Variants in CTNNA2 observed in about 807,000 individuals in gnomAD.
CTNNA2 encodes catenin alpha 2.
A neutral mutation model predicts 101.0 loss-of-function variants in CTNNA2; 42 were observed. That is an observed-to-expected ratio of 0.42 (90% confidence interval 0.32 to 0.54). The LOEUF (loss-of-function observed/expected upper bound fraction) is 0.54. CTNNA2 is among the 20% of genes least tolerant of loss of function. The pLI is 0.14. For synonymous variants in CTNNA2, 450 were observed against 456.4 expected, an observed-to-expected ratio of 0.99 and a Z score of 0.18; for missense variants, 871 against 1,223.1, an observed-to-expected ratio of 0.71 and a Z score of 4.29.
At chr2:80,430,476 G>A (rs555375383) in intron 9 of CTNNA2, among the ~76,000 whole-genome samples, 2 of 152,248 alleles carry the variant, frequency 1.3e-5, no homozygotes, top group African/African-American at 4.8e-5. Context: ...ATGAATTCAA[G>A]TTCCCTGGGG....
intron 7 of CTNNA2, among the ~76,000 whole-genome samples, chr2:80,092,554 T>C (rs1699852897): frequency 6.6e-6 from 1 of 152,106 alleles, no homozygotes; most frequent in Non-Finnish European, 1.5e-5. Flanking sequence ...TTCAGTGACA[T>C]GAGAAAAGAA....
chr2:80,497,850 CAAGGAACTGA>C (rs1247081032), intron 9 of CTNNA2, among the ~76,000 whole-genome samples: 4 of 152,052 alleles, frequency 2.6e-5, no homozygotes, highest in Non-Finnish European at 5.9e-5. Context: ...CCTATAACTG[CAAGGAACTGA>C]ATTCTGCCAA....
intron 7 of CTNNA2, among the ~76,000 whole-genome samples, chr2:79,994,135 C>A (rs941855244): frequency 3.3e-5 from 5 of 152,086 alleles, no homozygotes; most frequent in Non-Finnish European, 5.9e-5. Flanking sequence ...TCAGGCTGGT[C>A]TTGAACTCCT....
chr2:80,199,558 G>A (rs1310427776), intron 7 of CTNNA2, among the ~76,000 whole-genome samples: 2 of 152,210 alleles, frequency 1.3e-5, no homozygotes, highest in East Asian at 3.9e-4. Context: ...CTGAGCAGGA[G>A]TAGCACATGG....
chr2:80,557,897 A>G (rs1693184280), intron 12 of CTNNA2, among the ~76,000 whole-genome samples: 1 of 152,168 alleles, frequency 6.6e-6, no homozygotes, highest in Non-Finnish European at 1.5e-5. Flanking sequence ...TGTTGTTGCT[A>G]ATCAAGATTT....
intron 7 of CTNNA2, among the ~76,000 whole-genome samples, chr2:80,201,839 C>T (rs1047180419): frequency 1.3e-4 from 20 of 152,126 alleles, no homozygotes; most frequent in Admixed American, 1.2e-3. Flanking sequence ...TTCTAATTGC[C>T]CAATTTTCTT....
At chr2:80,221,817 A>G (rs1424047815) in intron 7 of CTNNA2, among the ~76,000 whole-genome samples, 17 of 152,266 alleles carry the variant, frequency 1.1e-4, no homozygotes. Context: ...ATTAATGATC[A>G]AAATGTGTGC....
At chr2:79,286,436 T>C (rs921345071) in intron 2 of CTNNA2, among the ~76,000 whole-genome samples, 7 of 152,078 alleles carry the variant, frequency 4.6e-5, no homozygotes, top group Non-Finnish European at 1.5e-5. Flanking sequence ...GGAGCTCTTT[T>C]AGGGCAGGCC....
intron 2 of CTNNA2, among the ~76,000 whole-genome samples, chr2:79,716,186 A>C (rs1316854417): frequency 1.3e-5 from 2 of 152,226 alleles, no homozygotes; most frequent in Non-Finnish European, 2.9e-5. Flanking sequence ...CTCAGATGAC[A>C]GCAAAAGGAA....
rs1048004024 is a variant in CTNNA2 at position 80,225,386 on chromosome 2, G to T, written c.1057-167825G>T. Among the ~76,000 whole-genome samples, 5 of 152,224 alleles carry T rather than the reference G, an allele frequency of 3.3e-5. No homozygotes were observed. In the Middle Eastern group the frequency reaches 0.01, roughly 311 times the overall value. ...CACTGCTTTGGGATTCAGAACTTAGGTTCTTAAGATTTATGACAGACTGAT... is the reference window on the plus strand; with the variant it reads ...CACTGCTTTGGGATTCAGAACTTAGTTTCTTAAGATTTATGACAGACTGAT... On this transcript the variant is annotated intron_variant, in intron 7 of 18. Coordinates refer to ENST00000402739, the MANE Select transcript of CTNNA2 (RefSeq NM_001282597.3).
At chr2:79,509,620 G>A (rs1431065948), upstream of CTNNA2, among the ~76,000 whole-genome samples, 1 of 152,156 alleles carries the variant, frequency 6.6e-6, no homozygotes, top group African/African-American at 2.4e-5. Flanking sequence ...GAGAAGAATA[G>A]ACAGAACACA....
Position 80,141,715 on chromosome 2 carries a change from T to C in CTNNA2, c.1056+231918T>C, listed in dbSNP as rs146943255. On this transcript the variant is annotated intron_variant, in intron 7 of 18. Transcript: ENST00000402739. Reference sequence around the variant, plus strand: ...GGAAATAAAGGAAAATCTTGAGTTATTTCATGGGAAATTTCAGGCATCTAG... The same window carrying C: ...GGAAATAAAGGAAAATCTTGAGTTACTTCATGGGAAATTTCAGGCATCTAG... Among the ~76,000 whole-genome samples, 110 of 152,200 alleles carry C rather than the reference T, an allele frequency of 7.2e-4. No homozygotes were observed. In the East Asian group the frequency reaches 0.02, roughly 28 times the overall value.
chr2:79,539,867 A>G (rs1043089984), intron 1 of CTNNA2, among the ~76,000 whole-genome samples: 1 of 152,118 alleles, frequency 6.6e-6, no homozygotes, highest in Non-Finnish European at 1.5e-5. Context: ...GTATCTTTAG[A>G]GCTCCTCCTG....
At chr2:79,681,808 C>T (rs532252450) in intron 2 of CTNNA2, among the ~76,000 whole-genome samples, 19 of 152,208 alleles carry the variant, frequency 1.2e-4, no homozygotes, top group Admixed American at 5.9e-4. Flanking sequence ...AAAAACTTAC[C>T]GCTTCAGAGG....
At chr2:80,467,759 T>G (rs2149481400) in intron 9 of CTNNA2, among the ~76,000 whole-genome samples, 1 of 151,968 alleles carries the variant, frequency 6.6e-6, no homozygotes, top group Admixed American at 6.6e-5. Context: ...GAGGATGGAG[T>G]TCTTATGAAT....
At chr2:79,201,732 C>T (rs1674038096) in intron 2 of CTNNA2, among the ~76,000 whole-genome samples, 2 of 152,004 alleles carry the variant, frequency 1.3e-5, no homozygotes, top group African/African-American at 4.8e-5. Context: ...TAGGAGATTT[C>T]TCAAAGGTCA....
At chr2:79,890,917 C>A (rs1218364740) in intron 6 of CTNNA2, among the ~76,000 whole-genome samples, 2 of 144,186 alleles carry the variant, frequency 1.4e-5, no homozygotes, top group South Asian at 2.7e-4. Flanking sequence ...GGGCAGGGAG[C>A]CCCTCAAGCC....
chr2:79,253,462 T>C (rs537793476), intron 2 of CTNNA2, among the ~76,000 whole-genome samples: 30 of 152,338 alleles, frequency 2.0e-4, no homozygotes, highest in African/African-American at 7.2e-4. Context: ...GATTTGCAAA[T>C]CAGCCTGCAT....
intron 7 of CTNNA2, among the ~76,000 whole-genome samples, chr2:80,082,717 G>C (rs1402924151): frequency 1.3e-5 from 2 of 152,138 alleles, no homozygotes; most frequent in Non-Finnish European, 2.9e-5. Context: ...TAGATGACCA[G>C]AATATGATGT....
Sources: allele counts gnomAD v4.1 joint callset (sites outside exome capture counted in the v4.1 genomes callset), GRCh38; gene constraint gnomAD v4.1.1; transcripts MANE v1.5; gene names NCBI Gene and HGNC (gene_info 2026-07-23, HGNC 2026-07-21).